The following RTN1 variants were observed in gnomAD, a reference collection of about 807,000 sequenced individuals.
RTN1 encodes the protein reticulon-1.
RTN1 carries 25 observed loss-of-function variants against 65.5 expected under a neutral mutation model. The ratio of observed to expected loss-of-function variants is 0.38; its 90% CI spans 0.28 to 0.53. The LOEUF (loss-of-function observed/expected upper bound fraction) is 0.53. Among genes scored for constraint, RTN1 ranks in the 20% least tolerant of loss-of-function variants. The pLI, the probability that RTN1 is intolerant of heterozygous loss-of-function variation, is 0.79. For missense variants in RTN1, 983 were observed against 1,025.4 expected, an observed-to-expected ratio of 0.96 and a Z score of 0.57; for synonymous variants, 471 against 447.6, an observed-to-expected ratio of 1.05 and a Z score of -0.66.
Position 59,599,497 on chromosome 14 carries a change from C to G in RTN1, c.2289-2710G>C, listed in dbSNP as rs111745750. 6.3e-3 allele frequency among the ~76,000 whole-genome samples: 960 copies of G among 152,290 alleles called. 9 individuals are homozygous for G. The highest frequency in any genetic ancestry group is 0.022 in the African/African-American group (923 of 41,570). ...GAGCCCTGTGTCACATACCTTGGCC[C>G]AGACACATATTGGATGGATTAATGA... is the stretch of plus-strand genomic sequence containing the variant. On this transcript the variant is annotated intron_variant, in intron 8 of 8. Transcript: ENST00000267484.
In RTN1 at chr14:59,811,119, G is replaced by A. The variant is rs368235195; in HGVS notation, c.241+59271C>T. On this transcript the variant is annotated intron_variant, in intron 1 of 8. Transcript: ENST00000267484. ...TATTTTTGATGCTCAAGGATTCCCAGGGGAAGGGTGAACCTCCTCAATCAT... is the reference window on the plus strand; with the variant it reads ...TATTTTTGATGCTCAAGGATTCCCAAGGGAAGGGTGAACCTCCTCAATCAT... Among the ~76,000 whole-genome samples the A allele has an allele frequency of 1.8e-4, 27 of 152,276 alleles. No homozygotes were observed. In the East Asian group the frequency reaches 5.2e-3, roughly 29 times the overall value.
At chr14:59,798,562 A>G (rs1886481523) in intron 1 of RTN1, among the ~76,000 whole-genome samples, 1 of 152,060 alleles carries the variant, frequency 6.6e-6, no homozygotes, top group African/African-American at 2.4e-5. Context: ...GCATCATAAC[A>G]TCTCCCAATC....
rs1330482594 is a variant in RTN1 at position 59,726,940 on chromosome 14, G to C, written c.1744C>G (p.Leu582Val). 6.2e-7 allele frequency: 1 copy of C among 1,612,678 alleles called. No individual in the cohort carries two copies. The highest frequency in any genetic ancestry group is 8.5e-7 in the Non-Finnish European group (1 of 1,179,484). The change falls in exon 3 of 9, where the codon CTG (leucine) becomes GTG (valine). Residue 582 changes from leucine to valine, a missense_variant. Coordinates refer to ENST00000267484, the MANE Select transcript of RTN1 (RefSeq NM_021136.3). ...TTACCTTTTTGCTTATTGAGAAACAGCAGTGGGGGCGGGGCGCCAGGACCT... is the reference window on the plus strand; with the variant it reads ...TTACCTTTTTGCTTATTGAGAAACACCAGTGGGGGCGGGGCGCCAGGACCT... The part of the protein sequence containing the change: ...PLGPGAPPPL[L>V]FLNKQKAIDL...
At chr14:59,622,099 G>T (rs565450400) in intron 3 of RTN1, among the ~76,000 whole-genome samples, 91 of 152,304 alleles carry the variant, frequency 6.0e-4, no homozygotes, top group Non-Finnish European at 6.0e-4. Context: ...ACTCTGGGAG[G>T]CTGAGGCGGG....
At chr14:59,824,594 C>T (rs1224238443) in intron 1 of RTN1, among the ~76,000 whole-genome samples, 4 of 152,302 alleles carry the variant, frequency 2.6e-5, no homozygotes, top group Admixed American at 6.5e-5. Flanking sequence ...AAATACTCCC[C>T]TTGCTTCCCT....
chr14:59,675,570 T>C (rs1415406208), intron 3 of RTN1, among the ~76,000 whole-genome samples: 1 of 149,310 alleles, frequency 6.7e-6, no homozygotes, highest in Admixed American at 6.7e-5. Context: ...AATAATAATA[T>C]ATTTTATAAT....
intron 1 of RTN1, among the ~76,000 whole-genome samples, chr14:59,805,753 ATAT>A (rs1886624535): frequency 6.6e-6 from 1 of 152,274 alleles, no homozygotes; most frequent in Non-Finnish European, 1.5e-5. Context: ...TTTAAAGAAA[ATAT>A]TATAAATTTT....
intron 1 of RTN1, among the ~76,000 whole-genome samples, chr14:59,862,111 A>G (rs1887721430): frequency 6.6e-6 from 1 of 152,194 alleles, no homozygotes; most frequent in Non-Finnish European, 1.5e-5. Context: ...CCCCACCATG[A>G]ACTATTTTAA....
At chr14:59,609,970 G>A (rs762064718) in intron 3 of RTN1, among the ~76,000 whole-genome samples, 33 of 152,220 alleles carry the variant, frequency 2.2e-4, no homozygotes, top group Admixed American at 2.6e-4. Flanking sequence ...AATGATTTGT[G>A]CTGAAGGGGG....
In RTN1 at chr14:59,870,454, C is replaced by T. The variant is rs1232385532; in HGVS notation, c.177G>A (p.Ala59=). The part of the protein sequence containing the change: ...PGLGARAREA[A]SREAGSGPAR... ...CGGGGCCCGAGCCGGCTTCCCGCGA[C>T]GCCGCTTCCCGGGCCCTGGCGCCCA... is the stretch of plus-strand genomic sequence containing the variant. The change falls in exon 1 of 9, where the codon GCG becomes GCA. Residue 59 remains alanine, a synonymous_variant. Transcript: ENST00000267484. This position sits in a 1 kb window ranked among gnomAD's most constrained non-coding sequence, Gnocchi z 5.1. The T allele has an allele frequency of 2.0e-6, 3 of 1,497,462 alleles. No individual in the cohort carries two copies. The highest frequency in any genetic ancestry group is 2.3e-5 in the Admixed American group (1 of 44,352). 92.8% of individuals were successfully genotyped at this position (1,497,462 alleles called of 1,614,324 possible).
At position 59,679,632 on chromosome 14, in the gene RTN1, G is replaced by A. The variant is rs187235071; in HGVS notation, c.1765+47287C>T. Among the ~76,000 whole-genome samples, 51 of 152,280 alleles carry A rather than the reference G, an allele frequency of 3.3e-4. 1 individual carries two copies. The highest frequency in any genetic ancestry group is 6.8e-3 in the Middle Eastern group (2 of 294). ...AATTTCATTGTTAATCATTGTCACT[G>A]CAAAAATTAACAGTGACCTGACCTA... On this transcript the variant is annotated intron_variant, in intron 3 of 8. Coordinates refer to ENST00000267484, the MANE Select transcript of RTN1 (RefSeq NM_021136.3).
At chr14:59,764,238 C>G (rs747119405) in intron 1 of RTN1, among the ~76,000 whole-genome samples, 4 of 151,972 alleles carry the variant, frequency 2.6e-5, no homozygotes, top group Non-Finnish European at 4.4e-5. Flanking sequence ...ATAGAAGTGA[C>G]TGGGAACAAG....
intron 3 of RTN1, among the ~76,000 whole-genome samples, chr14:59,656,020 G>C (rs9671962): frequency 6.6e-6 from 1 of 152,114 alleles, no homozygotes; most frequent in East Asian, 1.9e-4. Context: ...ACAAAAAAAT[G>C]GAGTATATCC....
At chr14:59,654,325 G>A (rs1412454936) in intron 3 of RTN1, among the ~76,000 whole-genome samples, 3 of 151,916 alleles carry the variant, frequency 2.0e-5, no homozygotes, top group Non-Finnish European at 4.4e-5. Context: ...CTACTCAGGA[G>A]GCTGAGGCAG....
intron 3 of RTN1, among the ~76,000 whole-genome samples, chr14:59,710,935 A>G (rs139216155): frequency 1.1e-3 from 166 of 152,354 alleles, no homozygotes; most frequent in Non-Finnish European, 1.8e-3. Context: ...TTTAAATTTC[A>G]TTACAATTCT....
chr14:59,844,829 T>A (rs1887377147), intron 1 of RTN1, among the ~76,000 whole-genome samples: 1 of 152,224 alleles, frequency 6.6e-6, no homozygotes, highest in South Asian at 2.1e-4. Flanking sequence ...AATAAATTGT[T>A]AAATGAGTTA....
Position 59,846,943 on chromosome 14 carries a change from T to G in RTN1, c.241+23447A>C, listed in dbSNP as rs939414462. ...GAGCTCTGTACCCCTTCATCACCAT[T>G]CTAGAAACCTAGTGTCTGAGAGGAA... On this transcript the variant is annotated intron_variant, in intron 1 of 8. Transcript: ENST00000267484. The surrounding 1 kb of genome is among the most constrained non-coding windows in gnomAD (Gnocchi z 4.8). Among the ~76,000 whole-genome samples, 1 of 152,192 alleles carries G rather than the reference T, an allele frequency of 6.6e-6. No homozygotes were observed. The highest frequency in any genetic ancestry group is 2.4e-5 in the African/African-American group (1 of 41,444).
intron 3 of RTN1, among the ~76,000 whole-genome samples, chr14:59,700,370 G>A (rs1424914469): frequency 6.6e-6 from 1 of 152,066 alleles, no homozygotes; most frequent in Non-Finnish European, 1.5e-5. Flanking sequence ...AAACTGACAA[G>A]CTATTTCTAA....
chr14:59,637,485 A>G (rs1882689354), intron 3 of RTN1, among the ~76,000 whole-genome samples: 1 of 152,144 alleles, frequency 6.6e-6, no homozygotes, highest in African/African-American at 2.4e-5. Flanking sequence ...AGGCTGAGGC[A>G]GGCGGCTCAC....
Sources: allele counts gnomAD v4.1 joint callset (sites outside exome capture counted in the v4.1 genomes callset), GRCh38; gene constraint gnomAD v4.1.1; non-coding constraint Gnocchi (gnomAD v3.1); transcripts MANE v1.5; gene names NCBI Gene and HGNC (gene_info 2026-07-23, HGNC 2026-07-21).